AP3S2: variants seen among roughly 807,000 people sequenced by gnomAD.
AP3S2 encodes the protein AP-3 complex subunit sigma-2.
AP3S2 carries 22 observed loss-of-function variants against 23.4 expected under a neutral mutation model. The observed-to-expected ratio is 0.94, with a 90% CI of 0.67 to 1.34. AP3S2 has a LOEUF of 1.34. Among genes scored for constraint, AP3S2 ranks in the 40% most tolerant of loss-of-function variants. The probability of loss-of-function intolerance (pLI) is 0.00; values close to 1 mark genes in which losing one functional copy is unlikely to be tolerated. For missense variants in AP3S2, 241 were observed against 236.9 expected, an observed-to-expected ratio of 1.02 and a Z score of -0.11; for synonymous variants, 86 against 87.1, an observed-to-expected ratio of 0.99 and a Z score of 0.07.
chr15:89,892,683 T>TGA (rs1330919459), intron 1 of AP3S2, among the ~76,000 whole-genome samples: 2 of 152,018 alleles, frequency 1.3e-5, no homozygotes, highest in African/African-American at 4.8e-5. Context: ...TGTGTGTGTG[T>TGA]GATGGAGTCT....
chr15:89,889,345 T>C, intron 1 of AP3S2: 2 of 578,994 alleles, frequency 3.5e-6, no homozygotes, highest in East Asian at 3.0e-5. Context: ...GGAATTAAGA[T>C]AGGGTATATT....
intron 3 of AP3S2, among the ~76,000 whole-genome samples, chr15:89,872,482 AGAAT>A (rs992535343): frequency 6.6e-6 from 1 of 152,240 alleles, no homozygotes; most frequent in Non-Finnish European, 1.5e-5. Context: ...ATGAATTTTC[AGAAT>A]GAACACACCA....
At position 89,835,658 on chromosome 15, in the gene AP3S2, G is replaced by C; in HGVS notation, c.454-15C>G. 6.3e-7 allele frequency: 1 copy of C among 1,576,312 alleles called. No homozygotes were observed. Among genetic ancestry groups the C allele is most frequent in the Non-Finnish European group, 8.6e-7 (1 of 1,162,898 alleles). On this transcript the variant is annotated splice_polypyrimidine_tract_variant and intron_variant, in intron 5 of 5. Coordinates refer to ENST00000336418, the MANE Select transcript of AP3S2 (RefSeq NM_005829.5). ...GAAAGGCCACCCTAAGAAGAAATGA[G>C]AGGCGAGTATGAGACAAATTCTCAC...
intron 4 of AP3S2, among the ~76,000 whole-genome samples, chr15:89,839,609 T>C (rs1406181404): frequency 1.3e-5 from 2 of 152,160 alleles, no homozygotes; most frequent in African/African-American, 4.8e-5. Context: ...TGGTGGTTCC[T>C]CAAAAAGATT....
intron 3 of AP3S2, 105 bp downstream of exon 3, chr15:89,888,416 A>T: frequency 1.9e-6 from 2 of 1,066,032 alleles, no homozygotes; most frequent in Non-Finnish European, 2.7e-6. Context: ...GGCAACTTTT[A>T]CTAGTATCAA....
At chr15:89,881,786 T>C (rs1896574415) in intron 3 of AP3S2, among the ~76,000 whole-genome samples, 3 of 152,096 alleles carry the variant, frequency 2.0e-5, no homozygotes, top group South Asian at 2.1e-4. Flanking sequence ...AACAAACTTA[T>C]ATAGTACTAG....
chr15:89,861,701 C>G (rs572291804), intron 4 of AP3S2, among the ~76,000 whole-genome samples: 2 of 152,142 alleles, frequency 1.3e-5, no homozygotes, highest in South Asian at 4.2e-4. Context: ...TAGTGACAGT[C>G]ACCTGAAGAT....
rs773458887 is a variant in AP3S2, at chr15:89,837,587, C to T, written c.453+28G>A. ...TCTGCCCAGGTTTTCTCTACCCAGCCAGGGCTAGAGCACAGCTGCTTACTC... is the reference window on the plus strand; with the variant it reads ...TCTGCCCAGGTTTTCTCTACCCAGCTAGGGCTAGAGCACAGCTGCTTACTC... On this transcript the variant is annotated intron_variant, in intron 5 of 5. Transcript: ENST00000336418. 13 of 1,613,664 alleles carry T rather than the reference C, an allele frequency of 8.1e-6. No individual in the cohort carries two copies. In the South Asian group the frequency reaches 1.2e-4, roughly 15 times the overall value.
At chr15:89,853,440 C>A (rs926799809) in intron 4 of AP3S2, among the ~76,000 whole-genome samples, 2 of 152,300 alleles carry the variant, frequency 1.3e-5, no homozygotes, top group East Asian at 3.9e-4. Flanking sequence ...AAATGACATA[C>A]CATTGATTAT....
chr15:89,860,722 G>A (rs1021485047), intron 4 of AP3S2, among the ~76,000 whole-genome samples: 4 of 151,346 alleles, frequency 2.6e-5, no homozygotes, highest in Non-Finnish European at 5.9e-5. Flanking sequence ...TATTACTTAA[G>A]CCAAAAAAAA....
intron 4 of AP3S2, among the ~76,000 whole-genome samples, chr15:89,853,837 C>T (rs1193760959): frequency 4.8e-5 from 4 of 82,950 alleles, no homozygotes; most frequent in African/African-American, 1.4e-4. Context: ...TCTGCCCGGC[C>T]GCCCCGTCTG....
In AP3S2 at chr15:89,880,043, A is replaced by C. The variant is rs147219000; in HGVS notation, c.273+8478T>G. Among the ~76,000 whole-genome samples, 258 of 150,576 alleles carry C rather than the reference A, an allele frequency of 1.7e-3. 1 individual carries two copies. The highest frequency in any genetic ancestry group is 6.1e-3 in the African/African-American group (249 of 40,960). The stretch of plus-strand genomic sequence containing the variant: ...TGATCTCAGATTTTAGAGTTATTAG[A>C]ATGTGATAAAATGTGCATCTTAGGA... On this transcript the variant is annotated intron_variant, in intron 3 of 5. Transcript: ENST00000336418.
rs148653385 is a variant in AP3S2, at chr15:89,839,369, T to C, written c.346-1647A>G. Among the ~76,000 whole-genome samples, 6 of 152,324 alleles carry C rather than the reference T, an allele frequency of 3.9e-5. No individual in the cohort carries two copies. The East Asian group carries it at 9.6e-4, about 24-fold the overall frequency. ...GCGTGTGTGCCCACATTGAGCTTTA[T>C]TAACCACTGTTCTGTCTACACACAC... On this transcript the variant is annotated intron_variant, in intron 4 of 5. Coordinates refer to ENST00000336418, the MANE Select transcript of AP3S2 (RefSeq NM_005829.5).
chr15:89,891,103 A>G (rs1223436795), intron 1 of AP3S2, among the ~76,000 whole-genome samples: 1 of 152,106 alleles, frequency 6.6e-6, no homozygotes, highest in Non-Finnish European at 1.5e-5. Flanking sequence ...ACTCTGGGGG[A>G]AGTGGCAGCA....
At chr15:89,852,558 G>C (rs199669815) in intron 4 of AP3S2, 2 of 152,148 alleles carry the variant, frequency 1.3e-5, no homozygotes, top group Non-Finnish European at 2.9e-5. Flanking sequence ...TTCCACCCCC[G>C]ATCCTACCTG....
chr15:89,874,070 G>A (rs1260686358), intron 3 of AP3S2, among the ~76,000 whole-genome samples: 1 of 150,640 alleles, frequency 6.6e-6, no homozygotes, highest in Admixed American at 6.6e-5. Flanking sequence ...TTTTAGTAGA[G>A]ATAGGGTTTC....
At chr15:89,879,575 T>C (rs1463674188) in intron 3 of AP3S2, among the ~76,000 whole-genome samples, 1 of 152,218 alleles carries the variant, frequency 6.6e-6, no homozygotes, top group African/African-American at 2.4e-5. Flanking sequence ...AAGAAAGTTT[T>C]AGAACTATAT....
At position 89,885,110 on chromosome 15, in the gene AP3S2, G is replaced by A. The variant is rs1051023373; in HGVS notation, c.273+3411C>T. ...AAAAATTCTACTGTGACCCCATTAG[G>A]GAGTCAGTTCTTTTTTTAACATCTA... On this transcript the variant is annotated intron_variant, in intron 3 of 5. Transcript: ENST00000336418. Among the ~76,000 whole-genome samples, 11 of 152,034 alleles carry A rather than the reference G, an allele frequency of 7.2e-5. No individual in the cohort carries two copies. The South Asian group carries it at 2.3e-3, about 32-fold the overall frequency.
intron 4 of AP3S2, among the ~76,000 whole-genome samples, chr15:89,842,240 G>A (rs1895346354): frequency 6.6e-6 from 1 of 152,088 alleles, no homozygotes; most frequent in South Asian, 2.1e-4. Context: ...AAGAAATAGA[G>A]AAGAAACAGT....
Sources: gnomAD v4.1 joint callset for allele counts (sites outside exome capture counted in the v4.1 genomes callset) on GRCh38, gnomAD v4.1.1 for gene constraint, MANE v1.5 for transcripts, NCBI Gene and HGNC (gene_info 2026-07-23, HGNC 2026-07-21) for gene names.